Variants in TRPM8 observed in about 807,000 individuals in gnomAD.
The protein encoded by TRPM8 is transient receptor potential cation channel subfamily M member 8.
In TRPM8, 110 loss-of-function variants were observed where a neutral mutation model predicts 133.7. The observed-to-expected ratio is 0.82, with a 90% CI of 0.70 to 0.96. TRPM8 has a LOEUF of 0.96. Ranked by LOEUF, TRPM8 falls within the 40% of genes least tolerant of loss-of-function variation. The pLI is 0.00. For missense variants in TRPM8, 1,291 were observed against 1,379.5 expected (o/e 0.94, Z 1.02); for synonymous variants, 535 against 532.3 (o/e 1.01, Z -0.07).
intron 11 of TRPM8, among the ~76,000 whole-genome samples, chr2:233,959,246 G>A (rs1303001246): frequency 2.0e-5 from 3 of 151,592 alleles, no homozygotes; most frequent in South Asian, 4.2e-4. Context: ...GGCTGGTCTC[G>A]AACTCCTGAC....
At position 233,969,738 on chromosome 2, in the gene TRPM8, C is replaced by T; in HGVS notation, c.2069C>T (p.Thr690Ile). 1 of 1,613,906 alleles carries T rather than the reference C, an allele frequency of 6.2e-7. No individual in the cohort carries two copies. The change falls in exon 16 of 26, where the codon ACC becomes ATC. Residue 690 changes from threonine to isoleucine, a missense_variant. Transcript: ENST00000324695. The part of the protein sequence containing the change: ...KQWYGEISRD[T>I]KNWKIILCLF... ...TGGTATGGAGAGATTTCCCGAGACA[C>T]CAAGAACTGGAAGATTATCCTGTGT...
rs558332930 is a variant in TRPM8, at chr2:233,973,221, A to G, written c.2355+2795A>G. Among the ~76,000 whole-genome samples the G allele has an allele frequency of 4.6e-5, 7 of 152,260 alleles. No individual in the cohort carries two copies. The East Asian group carries it at 1.4e-3, about 29-fold the overall frequency. On this transcript the variant is annotated intron_variant, in intron 17 of 25. Coordinates refer to ENST00000324695, the MANE Select transcript of TRPM8 (RefSeq NM_024080.5). ...GCTCTGCCCAGGCCATGCCCTCGGT[A>G]TTAGTCTGTAGGGCTGCCAAGATGA...
intron 1 of TRPM8, among the ~76,000 whole-genome samples, chr2:233,920,662 G>A (rs545163266): frequency 8.5e-5 from 13 of 152,252 alleles, no homozygotes; most frequent in African/African-American, 2.9e-4. Flanking sequence ...TTTTGGCATA[G>A]GCATTTTTCT....
At chr2:233,947,754 GT>G (rs946551134) in intron 8 of TRPM8, among the ~76,000 whole-genome samples, 4 of 152,072 alleles carry the variant, frequency 2.6e-5, no homozygotes, top group African/African-American at 7.2e-5. Flanking sequence ...TCTGTTTGAC[GT>G]TTTTTTGTTT....
chr2:233,975,996 T>C (rs948385631), intron 17 of TRPM8, among the ~76,000 whole-genome samples: 1 of 152,214 alleles, frequency 6.6e-6, no homozygotes, highest in Non-Finnish European at 1.5e-5. Flanking sequence ...AGGCAGACCT[T>C]GGCCTGGATG....
At chr2:233,952,819 T>C (rs915907869) in intron 9 of TRPM8, among the ~76,000 whole-genome samples, 2 of 152,004 alleles carry the variant, frequency 1.3e-5, no homozygotes, top group African/African-American at 4.8e-5. Flanking sequence ...CTATCCATAT[T>C]CATTTCCTTC....
intron 11 of TRPM8, among the ~76,000 whole-genome samples, chr2:233,956,763 G>A (rs573036500): frequency 6.6e-6 from 1 of 152,254 alleles, no homozygotes; most frequent in East Asian, 1.9e-4. Flanking sequence ...CATTCCCTTA[G>A]CAAACATTAT....
intron 17 of TRPM8, among the ~76,000 whole-genome samples, chr2:233,973,037 C>T (rs543243596): frequency 4.6e-5 from 7 of 152,340 alleles, no homozygotes; most frequent in Non-Finnish European, 7.3e-5. Flanking sequence ...CTCTCAGAAG[C>T]GTAAGGTAAA....
chr2:234,015,156 A>G lies in TRPM8; in HGVS notation c.*42+502A>G, dbSNP rs1362677844. 3.9e-5 allele frequency among the ~76,000 whole-genome samples: 6 copies of G among 152,346 alleles called. No homozygotes were observed. The East Asian group carries it at 1.2e-3, about 29-fold the overall frequency. On this transcript the variant is annotated intron_variant, in intron 25 of 25. Transcript: ENST00000324695. ...TTTTGGTGAGGCATTCAAGGTTTTTAACAATAGCTCTTTTGCACAATAAAA... is the reference window on the plus strand; with the variant it reads ...TTTTGGTGAGGCATTCAAGGTTTTTGACAATAGCTCTTTTGCACAATAAAA...
chr2:233,973,367 C>CTGTCCTAGCCTCTCCTCTAGCTTT (rs1414885397), intron 17 of TRPM8, among the ~76,000 whole-genome samples: 18 of 152,220 alleles, frequency 1.2e-4, no homozygotes, highest in African/African-American at 1.7e-4. Flanking sequence ...GCGGGAGACT[C>CTGTCCTAGCCTCTCCTCTAGCTTT]TGTCCTAGCC....
At position 233,927,924 on chromosome 2, in the gene TRPM8, TTCTCTCTCTCTCTC is replaced by T. The variant is rs1178731456; in HGVS notation, c.117+1294_117+1307del. 3.4e-3 allele frequency among the ~76,000 whole-genome samples: 95 copies of T among 28,044 alleles called. 5 individuals carry two copies. The highest frequency in any genetic ancestry group is 0.018 in the African/African-American group (86 of 4,652). The allele number at this position is 28,044 out of a possible 152,430, so 18.4% of individuals were successfully genotyped here. On this transcript the variant is annotated intron_variant, in intron 2 of 25. Transcript: ENST00000324695. ...TTTCTTTCTTTCTCTCTCTCTCTCTTTCTCTCTCTCTCTCTCTCTCTCTCTCTCTCTCTCTCTTT... is the reference window on the plus strand; with the variant it reads ...TTTCTTTCTTTCTCTCTCTCTCTCTTTCTCTCTCTCTCTCTCTCTCTCTTT...
At chr2:233,995,069 G>C (rs1398609450) in intron 21 of TRPM8, among the ~76,000 whole-genome samples, 1 of 152,206 alleles carries the variant, frequency 6.6e-6, no homozygotes, top group Non-Finnish European at 1.5e-5. Context: ...CCTCTGTGAG[G>C]TGGTATCATG....
At chr2:233,963,484 T>A in intron 13 of TRPM8, 107 bp downstream of exon 13, 1 of 654,132 alleles carries the variant, frequency 1.5e-6, no homozygotes, top group Non-Finnish European at 2.6e-6. Context: ...ATCAGTGAAA[T>A]GGGATGTCTG....
At chr2:233,952,458 G>T (rs938702454) in intron 9 of TRPM8, among the ~76,000 whole-genome samples, 5 of 151,956 alleles carry the variant, frequency 3.3e-5, no homozygotes, top group African/African-American at 1.2e-4. Context: ...AGTTAACGAG[G>T]TGGGGGCTGG....
intron 14 of TRPM8, among the ~76,000 whole-genome samples, chr2:233,966,394 C>T (rs1433097953): frequency 1.3e-5 from 2 of 152,194 alleles, no homozygotes; most frequent in Non-Finnish European, 2.9e-5. Context: ...TTGTCACCTG[C>T]TGCCATCAGG....
At chr2:233,941,380 G>A (rs1451901788) in intron 5 of TRPM8, among the ~76,000 whole-genome samples, 6 of 152,184 alleles carry the variant, frequency 3.9e-5, no homozygotes, top group East Asian at 1.9e-4. Context: ...TTTATGCCCC[G>A]TGAGAGCTGG....
chr2:233,983,385 T>A, intron 20 of TRPM8, 161 bp downstream of exon 20: 1 of 753,194 alleles, frequency 1.3e-6, no homozygotes, highest in Non-Finnish European at 2.3e-6. Context: ...TCTTCTTTGC[T>A]CTTAAGCAAG....
chr2:233,928,013 A>G (rs1691602454), intron 2 of TRPM8, among the ~76,000 whole-genome samples: 1 of 133,446 alleles, frequency 7.5e-6, no homozygotes, highest in African/African-American at 2.9e-5. Context: ...TGTATCGCCC[A>G]GGCTGGAGTG....
chr2:233,949,848 G>A, intron 8 of TRPM8, 101 bp from the exon 9 acceptor site: 1 of 987,994 alleles, frequency 1.0e-6, no homozygotes. Flanking sequence ...GTGTAGGGAT[G>A]TGTCCGTGTG....
Sources: allele counts gnomAD v4.1 joint callset (sites outside exome capture counted in the v4.1 genomes callset), GRCh38; gene constraint gnomAD v4.1.1; transcripts MANE v1.5; gene names NCBI Gene and HGNC (gene_info 2026-07-23, HGNC 2026-07-21).